Variants in ANKRD30A observed in about 807,000 individuals in gnomAD.
ANKRD30A encodes the protein ankyrin repeat domain 30A, also known as ankyrin repeat domain-containing protein 30A.
Under a neutral mutation model 166.3 loss-of-function variants are expected in ANKRD30A, and 170 were observed. The observed-to-expected ratio is 1.02, with a 90% confidence interval of 0.90 to 1.16. ANKRD30A has a LOEUF of 1.16. ANKRD30A is among the 50% of genes most tolerant of loss of function. ANKRD30A has a pLI of 0.00. For synonymous variants in ANKRD30A, 564 were observed against 508.9 expected, an observed-to-expected ratio of 1.11 and a Z score of -1.46; for missense variants, 1,630 against 1,518.0, an observed-to-expected ratio of 1.07 and a Z score of -1.23.
chr10:37,203,041 A>C (rs537199887), intron 31 of ANKRD30A, among the ~76,000 whole-genome samples: 1 of 152,250 alleles, frequency 6.6e-6, no homozygotes, highest in African/African-American at 2.4e-5. Flanking sequence ...TTCCCAGCCA[A>C]ATTCTACCAG....
At chr10:37,191,922 G>A (rs937500983) in intron 25 of ANKRD30A, among the ~76,000 whole-genome samples, 3 of 152,046 alleles carry the variant, frequency 2.0e-5, no homozygotes, top group Admixed American at 6.6e-5. Flanking sequence ...GTGAACCCGC[G>A]AGGCGGAGCT....
At chr10:37,132,930 G>A (rs1016141890) in intron 4 of ANKRD30A, among the ~76,000 whole-genome samples, 1 of 152,046 alleles carries the variant, frequency 6.6e-6, no homozygotes, top group Non-Finnish European at 1.5e-5. Flanking sequence ...GAACTTGGAG[G>A]CAGAGGTTGC....
intron 3 of ANKRD30A, 75 bp downstream of exon 3, chr10:37,130,453 T>G: frequency 8.3e-7 from 1 of 1,199,096 alleles, no homozygotes; most frequent in Non-Finnish European, 1.1e-6. Flanking sequence ...TAAGGTTTTT[T>G]ATATTTGGAA....
intron 31 of ANKRD30A, among the ~76,000 whole-genome samples, chr10:37,203,289 G>T (rs1841773936): frequency 6.6e-6 from 1 of 152,164 alleles, no homozygotes; most frequent in African/African-American, 2.4e-5. Flanking sequence ...TATCCACCAT[G>T]ATCAAGTTGG....
chr10:37,202,867 C>T (rs962724586), intron 31 of ANKRD30A, among the ~76,000 whole-genome samples: 1 of 152,144 alleles, frequency 6.6e-6, no homozygotes, highest in Non-Finnish European at 1.5e-5. Context: ...CACCTCTATG[C>T]AAATAAACTG....
chr10:37,265,441 A>C, the ANKRD30A span, among the ~76,000 whole-genome samples: 1 of 152,164 alleles, frequency 6.6e-6, no homozygotes, highest in Non-Finnish European at 1.5e-5. Context: ...GGACCTCTGC[A>C]CTGGCTCTTC....
At chr10:37,222,672 C>T (rs1005384689) in intron 34 of ANKRD30A, among the ~76,000 whole-genome samples, 5 of 151,216 alleles carry the variant, frequency 3.3e-5, no homozygotes, top group Non-Finnish European at 7.4e-5. Context: ...TCATGCTGTT[C>T]CTCCATTTTC....
chr10:37,129,628 GA>G (rs1836255811), intron 1 of ANKRD30A, among the ~76,000 whole-genome samples: 1 of 152,160 alleles, frequency 6.6e-6, no homozygotes, highest in South Asian at 2.1e-4. Flanking sequence ...GTGACAGCTA[GA>G]AAGTGAAAGA....
intron 15 of ANKRD30A, among the ~76,000 whole-genome samples, chr10:37,159,180 A>G (rs563443768): frequency 6.6e-6 from 1 of 152,312 alleles, no homozygotes; most frequent in East Asian, 1.9e-4. Flanking sequence ...GATACAAAAC[A>G]GCCTGAATTA....
At chr10:37,152,386 A>G (rs1838017450) in intron 12 of ANKRD30A, among the ~76,000 whole-genome samples, 1 of 152,158 alleles carries the variant, frequency 6.6e-6, no homozygotes, top group African/African-American at 2.4e-5. Flanking sequence ...AGAAATTCAC[A>G]TGGGATCTGA....
intron 18 of ANKRD30A, 32 bp downstream of exon 18, chr10:37,165,187 A>G (rs751540309): frequency 6.4e-6 from 10 of 1,553,636 alleles, no homozygotes; most frequent in Non-Finnish European, 8.9e-6. Flanking sequence ...TTTAAATATT[A>G]GTATTGCATG....
Position 37,129,877 on chromosome 10 carries a change from C to A in ANKRD30A, c.222-16C>A. ...AGTGGACTAAACTTTGCCAAAAAGT[C>A]CTCTCACTCTCGTAGGACTGCTCTA... On this transcript the variant is annotated splice_polypyrimidine_tract_variant and intron_variant, in intron 1 of 35. Transcript: ENST00000361713. The A allele has an allele frequency of 1.4e-6, 2 of 1,441,852 alleles. No homozygotes were observed. Among genetic ancestry groups the A allele is most frequent in the South Asian group, 1.7e-5 (1 of 59,542 alleles). 89.3% of individuals were successfully genotyped at this position (1,441,852 alleles called of 1,614,324 possible).
intron 27 of ANKRD30A, among the ~76,000 whole-genome samples, chr10:37,194,328 G>A (rs533535841): frequency 7.9e-5 from 12 of 151,584 alleles, no homozygotes; most frequent in Non-Finnish European, 1.6e-4. Flanking sequence ...TTTTTTGTTT[G>A]CATTTCTTTC....
At chr10:37,195,786 G>A (rs1030589405) in intron 27 of ANKRD30A, among the ~76,000 whole-genome samples, 5 of 152,074 alleles carry the variant, frequency 3.3e-5, no homozygotes, top group African/African-American at 9.7e-5. Flanking sequence ...AATTTCTCAG[G>A]CGATGCTGCT....
chr10:37,219,796 C>A lies in ANKRD30A; in HGVS notation c.4084C>A (p.Gln1362Lys). ...TATTCATTTTCTTGAGAGGAAAATG[C>A]AACATCATCTCCTAAAAGAGAAAAA... ...IDIHFLERKM[Q>K]HHLLKEKNEE... is the part of the protein sequence containing the mutation. Residue 1362 changes from glutamine to lysine, a missense_variant, in exon 34 of 36, where the codon CAA (glutamine) becomes AAA (lysine). This residue lies in a region of ANKRD30A where 712 missense variants were observed against 629.3 expected (regional missense o/e 1.13). Coordinates refer to ENST00000361713, the MANE Select transcript of ANKRD30A (RefSeq NM_052997.3). 6.2e-7 allele frequency: 1 copy of A among 1,606,072 alleles called. No homozygotes were observed. The highest frequency in any genetic ancestry group is 8.5e-7 in the Non-Finnish European group (1 of 1,175,290).
chr10:37,223,898 TAAAG>T (rs1310171302), intron 34 of ANKRD30A, among the ~76,000 whole-genome samples: 1 of 150,948 alleles, frequency 6.6e-6, no homozygotes, highest in African/African-American at 2.4e-5. Context: ...GATCAAGAAA[TAAAG>T]AAAAAATGAA....
In ANKRD30A at chr10:37,130,338, A is replaced by T. The variant is rs1166699697; in HGVS notation, c.470A>T (p.Lys157Ile). 5 of 1,578,210 alleles carry T rather than the reference A, an allele frequency of 3.2e-6. No homozygotes were observed. Among genetic ancestry groups the T allele is most frequent in the Middle Eastern group, 1.7e-4 (1 of 5,946 alleles). Residue 157 changes from lysine to isoleucine, a missense_variant, in exon 3 of 36, where the codon AAA (lysine) becomes ATA (isoleucine). Lys to Ile is a moderately radical substitution (Grantham distance 102, BLOSUM62 -3). Around this residue, in one of 4 missense-constraint regions of ANKRD30A, gnomAD observed 904 missense variants for 818.5 expected, o/e 1.10. Coordinates refer to ENST00000361713, the MANE Select transcript of ANKRD30A (RefSeq NM_052997.3). Reference sequence around the variant, plus strand: ...AGTGAGATTTTGTCAGTGGTGGCAAAACTGCTGTCCCATGGTGCAGTCATC... The same window carrying T: ...AGTGAGATTTTGTCAGTGGTGGCAATACTGCTGTCCCATGGTGCAGTCATC... The part of the protein sequence containing the change: ...VYSEILSVVA[K>I]LLSHGAVIEV...
chr10:37,160,244 C>A (rs1314761454), intron 15 of ANKRD30A, among the ~76,000 whole-genome samples: 2 of 152,170 alleles, frequency 1.3e-5, no homozygotes, highest in African/African-American at 4.8e-5. Context: ...TTTACTGCTT[C>A]ATCCACTGTT....
At chr10:37,255,603 A>C in the ANKRD30A span, among the ~76,000 whole-genome samples, 6 of 152,140 alleles carry the variant, frequency 3.9e-5, no homozygotes, top group Non-Finnish European at 7.4e-5. Flanking sequence ...ATCACCCCAA[A>C]CTGAAACTCT....
Sources: allele counts gnomAD v4.1 joint callset (sites outside exome capture counted in the v4.1 genomes callset), GRCh38; gene constraint gnomAD v4.1.1; regional missense constraint gnomAD v4.1.1; transcripts MANE v1.5; gene names NCBI Gene and HGNC (gene_info 2026-07-23, HGNC 2026-07-21).